Variants in CARM1 observed in about 807,000 individuals in gnomAD.
The protein encoded by CARM1 is histone-arginine methyltransferase CARM1.
In CARM1, 14 loss-of-function variants were observed where a neutral mutation model predicts 72.7. That is an observed-to-expected ratio of 0.19 (90% confidence interval 0.13 to 0.30). The LOEUF (loss-of-function observed/expected upper bound fraction) is 0.30. Ranked by LOEUF, CARM1 falls within the 10% of genes least tolerant of loss-of-function variation. CARM1 has a pLI of 1.00. For synonymous variants in CARM1, 333 were observed against 345.5 expected (o/e 0.96, Z 0.40); for missense variants, 432 against 833.7 (o/e 0.52, Z 5.93).
At position 10,923,017 on chromosome 19, in the gene CARM1, A is replaced by G. The variant is rs976475937; in HGVS notation, c.*1260A>G. 13 of 337,390 alleles carry G rather than the reference A, an allele frequency of 3.9e-5. No individual in the cohort carries two copies. Among genetic ancestry groups the G allele is most frequent in the Non-Finnish European group, 6.4e-5 (12 of 186,752 alleles). The allele number at this position is 337,390 out of a possible 1,614,324, so 20.9% of individuals were successfully genotyped here. ...GCTCGGCTGCCCCTCGCCCGCCTTT[A>G]TATAAATTCTCTGAATCACCTTTGC... On this transcript the variant is annotated 3_prime_UTR_variant, in exon 16 of 16. Coordinates refer to ENST00000327064, the MANE Select transcript of CARM1 (RefSeq NM_199141.2).
At chr19:10,880,760 C>T (rs1393880569) in intron 1 of CARM1, among the ~76,000 whole-genome samples, 2 of 152,172 alleles carry the variant, frequency 1.3e-5, no homozygotes, top group African/African-American at 2.4e-5. Context: ...GGACAAGAAT[C>T]GGTAGCTGTG....
intron 1 of CARM1, among the ~76,000 whole-genome samples, chr19:10,903,668 C>T (rs984132889): frequency 2.0e-5 from 3 of 151,928 alleles, no homozygotes; most frequent in African/African-American, 2.4e-5. Flanking sequence ...TCAAGCGATC[C>T]TCCCACCTCA....
At chr19:10,911,325 G>T (rs1568354783) in intron 4 of CARM1, among the ~76,000 whole-genome samples, 1 of 152,214 alleles carries the variant, frequency 6.6e-6, no homozygotes, top group Admixed American at 6.5e-5. Context: ...TACCGTCCCA[G>T]AGGATGGTAG....
At position 10,896,080 on chromosome 19, in the gene CARM1, C is replaced by T. The variant is rs1015806372; in HGVS notation, c.221-8871C>T. Among the ~76,000 whole-genome samples the T allele has an allele frequency of 7.2e-5, 11 of 151,966 alleles. No homozygotes were observed. The highest frequency in any genetic ancestry group is 3.4e-3 in the Middle Eastern group (1 of 294). On this transcript the variant is annotated intron_variant, in intron 1 of 15. Transcript: ENST00000327064. This position sits in a 1 kb window ranked among gnomAD's most constrained non-coding sequence, Gnocchi z 5.2. ...CGGAAGGTGCTGGGGAACCGTGGGG[C>T]GGTGTGAAGCAGGCGGGTTGTGTTA...
rs367933295 is a variant in CARM1 at position 10,875,498 on chromosome 19, T to C, written c.220+3576T>C. 8.9e-4 allele frequency among the ~76,000 whole-genome samples: 136 copies of C among 152,118 alleles called. 3 individuals are homozygous for C. The South Asian group carries it at 0.025, about 28-fold the overall frequency. ...GAAGTGCAATTGCGCGATCTCCGCT[T>C]ACTGCAAGCTCTGCCTCCTGGGTTC... On this transcript the variant is annotated intron_variant, in intron 1 of 15. Coordinates refer to ENST00000327064, the MANE Select transcript of CARM1 (RefSeq NM_199141.2).
intron 1 of CARM1, among the ~76,000 whole-genome samples, chr19:10,890,270 T>G (rs1397637154): frequency 4.4e-5 from 6 of 135,620 alleles, no homozygotes; most frequent in South Asian, 2.3e-4. Context: ...GTTTTGTTTG[T>G]TTTTTTTTTT....
chr19:10,873,689 A>G (rs1487315883), intron 1 of CARM1, among the ~76,000 whole-genome samples: 2 of 113,158 alleles, frequency 1.8e-5, no homozygotes, highest in Non-Finnish European at 3.3e-5. Flanking sequence ...CCCCAGGCTG[A>G]AGTGCAGTGG....
intron 6 of CARM1, among the ~76,000 whole-genome samples, chr19:10,914,394 G>T (rs1050220187): frequency 6.6e-6 from 1 of 152,238 alleles, no homozygotes; most frequent in Admixed American, 6.5e-5. Flanking sequence ...TCCCCAACAA[G>T]CCCTGCTCTC....
chr19:10,872,707 T>C (rs568271169), intron 1 of CARM1, among the ~76,000 whole-genome samples: 1 of 152,278 alleles, frequency 6.6e-6, no homozygotes, highest in East Asian at 1.9e-4. Flanking sequence ...AAATCACAAA[T>C]GCGTTTGCCA....
rs1242985169 is a variant in CARM1 at position 10,908,031 on chromosome 19, T to TG, written c.347-7dup. 2 of 1,607,116 alleles carry TG rather than the reference T, an allele frequency of 1.2e-6. No homozygotes were observed. Among genetic ancestry groups the TG allele is most frequent in the Non-Finnish European group, 8.5e-7 (1 of 1,173,908 alleles). Reference sequence around the variant, plus strand: ...CCGCCCCCCGGTGACTTGGCTTCCCTGTTCCAGATTTCTGTTCCTTCTACA... The same window carrying TG: ...CCGCCCCCCGGTGACTTGGCTTCCCTGGTTCCAGATTTCTGTTCCTTCTACA... On this transcript the variant is annotated splice_region_variant and splice_polypyrimidine_tract_variant and intron_variant, in intron 2 of 15. Coordinates refer to ENST00000327064, the MANE Select transcript of CARM1 (RefSeq NM_199141.2).
intron 1 of CARM1, among the ~76,000 whole-genome samples, chr19:10,878,029 A>T (rs1418061906): frequency 6.6e-6 from 1 of 152,120 alleles, no homozygotes; most frequent in Non-Finnish European, 1.5e-5. Context: ...TTTTTTAGAG[A>T]CAGAGTCTTG....
rs943068416 is a variant in CARM1, at chr19:10,910,572, CT to C, written c.558+1375del. On this transcript the variant is annotated intron_variant, in intron 4 of 15. Coordinates refer to ENST00000327064, the MANE Select transcript of CARM1 (RefSeq NM_199141.2). ...TACCTTTTTTATTTTTTTATTTTTA[CT>C]TTTTTTTTTATGAGATGGAGTCTTG... is the stretch of plus-strand genomic sequence containing the variant. Among the ~76,000 whole-genome samples, 268 of 146,410 alleles carry C rather than the reference CT, an allele frequency of 1.8e-3. 2 individuals are homozygous for C. Among genetic ancestry groups the C allele is most frequent in the African/African-American group, 6.2e-3 (247 of 40,096 alleles).
At chr19:10,900,673 G>C (rs147119677) in intron 1 of CARM1, among the ~76,000 whole-genome samples, 1 of 151,794 alleles carries the variant, frequency 6.6e-6, no homozygotes, top group African/African-American at 2.4e-5. Context: ...GGTTTTTTTT[G>C]CTTTGTTTTG....
chr19:10,904,120 G>A (rs766495982), intron 1 of CARM1, among the ~76,000 whole-genome samples: 10 of 152,212 alleles, frequency 6.6e-5, no homozygotes, highest in Admixed American at 2.6e-4. Context: ...AGCTCCCACC[G>A]TTTTGGTCTT....
Position 10,871,891 on chromosome 19 carries a change from C to T in CARM1, c.189C>T (p.Gly63=). The T allele has an allele frequency of 1.6e-6, 2 of 1,239,274 alleles. No homozygotes were observed. The highest frequency in any genetic ancestry group is 2.6e-5 in the South Asian group (1 of 37,836). The allele number at this position is 1,239,274 out of a possible 1,614,324, so 76.8% of individuals were successfully genotyped here. ...QQALRLEVRA[G]PDSAGIALYS... is the part of the protein sequence containing the mutation. The stretch of plus-strand genomic sequence containing the variant: ...CGCTGCGCCTCGAGGTGCGCGCCGG[C>T]CCGGACTCGGCGGGCATCGCCCTCT... The change falls in exon 1 of 16, where the codon GGC becomes GGT. Residue 63 remains glycine, a synonymous_variant. Transcript: ENST00000327064. The surrounding 1 kb of genome is among the most constrained non-coding windows in gnomAD (Gnocchi z 5.6).
In CARM1 at chr19:10,889,071, G is replaced by A. The variant is rs186214343; in HGVS notation, c.221-15880G>A. 3.5e-3 allele frequency among the ~76,000 whole-genome samples: 532 copies of A among 152,294 alleles called. 2 individuals carry two copies. Among genetic ancestry groups the A allele is most frequent in the Middle Eastern group, 0.014 (4 of 294 alleles). On this transcript the variant is annotated intron_variant, in intron 1 of 15. Coordinates refer to ENST00000327064, the MANE Select transcript of CARM1 (RefSeq NM_199141.2). ...TGAGGTTTGGGTGTCCTCAGTTCAG[G>A]GGGCTTTCTCCAGAGCCCACCTAGA...
intron 8 of CARM1, among the ~76,000 whole-genome samples, chr19:10,917,717 TC>T (rs2074209355): frequency 1.3e-5 from 2 of 148,264 alleles, no homozygotes; most frequent in African/African-American, 5.0e-5. Context: ...ATTTTCTTTT[TC>T]TTTTTTTTTT....
chr19:10,874,129 A>G (rs1259755758), intron 1 of CARM1, among the ~76,000 whole-genome samples: 1 of 152,006 alleles, frequency 6.6e-6, no homozygotes, highest in Non-Finnish European at 1.5e-5. Flanking sequence ...ATTTTTTATT[A>G]TTAGAGACAA....
chr19:10,904,475 C>A lies in CARM1; in HGVS notation c.221-476C>A, dbSNP rs190198705. On this transcript the variant is annotated intron_variant, in intron 1 of 15. Coordinates refer to ENST00000327064, the MANE Select transcript of CARM1 (RefSeq NM_199141.2). ...CATTAGCCCCATCTGATGGTGAGAA[C>A]CCCAGTTCCAGAGAGGCTGAGGGAC... Among the ~76,000 whole-genome samples the A allele has an allele frequency of 3.0e-3, 455 of 152,346 alleles. 1 individual carries two copies. The highest frequency in any genetic ancestry group is 0.011 in the African/African-American group (442 of 41,584).
Sources: gnomAD v4.1 joint callset for allele counts (sites outside exome capture counted in the v4.1 genomes callset) on GRCh38, gnomAD v4.1.1 for gene constraint, Gnocchi (gnomAD v3.1) non-coding constraint, MANE v1.5 for transcripts, NCBI Gene and HGNC (gene_info 2026-07-23, HGNC 2026-07-21) for gene names.